DLG2: variants seen among roughly 807,000 people sequenced by gnomAD.
DLG2 encodes disks large homolog 2.
DLG2 carries 45 observed loss-of-function variants against 132.5 expected under a neutral mutation model. The observed-to-expected ratio is 0.34, with a 90% CI of 0.27 to 0.44. The LOEUF (loss-of-function observed/expected upper bound fraction) is 0.44. DLG2 is among the 20% of genes least tolerant of loss of function. The pLI is 1.00. For synonymous variants in DLG2, 424 were observed against 419.6 expected (o/e 1.01, Z -0.13); for missense variants, 1,045 against 1,196.9 (o/e 0.87, Z 1.87).
chr11:84,493,930 T>C (rs1168401633), intron 7 of DLG2, among the ~76,000 whole-genome samples: 3 of 152,152 alleles, frequency 2.0e-5, no homozygotes, highest in Non-Finnish European at 4.4e-5. Context: ...GTAGAATTAA[T>C]GAGGAATTTT....
chr11:84,829,884 C>G (rs1363214059), intron 6 of DLG2, among the ~76,000 whole-genome samples: 1 of 151,592 alleles, frequency 6.6e-6, no homozygotes, highest in Admixed American at 6.6e-5. Flanking sequence ...AATATCCTAA[C>G]TCAGGTCTAC....
chr11:85,055,915 A>C (rs1347399541), intron 6 of DLG2, among the ~76,000 whole-genome samples: 2 of 152,130 alleles, frequency 1.3e-5, no homozygotes, highest in Non-Finnish European at 2.9e-5. Flanking sequence ...TGCTCATAAA[A>C]ACTGAAACAT....
rs1362474241 is a variant in DLG2, at chr11:83,874,789, T to C, written c.1497-301A>G. On this transcript the variant is annotated intron_variant, in intron 15 of 27. Transcript: ENST00000376104. ...ACAGTAGAGATTAAATATTTGGTGA[T>C]AGGTAGAACCCTCCACCAAAATATA... Among the ~76,000 whole-genome samples the C allele has an allele frequency of 2.6e-5, 4 of 152,318 alleles. No individual in the cohort carries two copies. In the East Asian group the frequency reaches 7.7e-4, roughly 29 times the overall value.
intron 6 of DLG2, among the ~76,000 whole-genome samples, chr11:84,907,962 A>G (rs2091700545): frequency 6.6e-6 from 1 of 152,170 alleles, no homozygotes; most frequent in Non-Finnish European, 1.5e-5. Context: ...ATCCAGGACT[A>G]CAGAGCTAGA....
At chr11:84,013,638 G>T (rs184319241) in intron 11 of DLG2, among the ~76,000 whole-genome samples, 16 of 152,110 alleles carry the variant, frequency 1.1e-4, no homozygotes, top group Admixed American at 5.9e-4. Flanking sequence ...GGAGGCCGAG[G>T]TGGTTGGATC....
At chr11:85,058,544 G>A (rs909472722) in intron 6 of DLG2, among the ~76,000 whole-genome samples, 10 of 151,502 alleles carry the variant, frequency 6.6e-5, no homozygotes, top group East Asian at 5.8e-4. Context: ...AGTTGATTCC[G>A]AAATGTATAT....
At chr11:84,650,600 A>G (rs1183428663) in intron 6 of DLG2, among the ~76,000 whole-genome samples, 1 of 152,080 alleles carries the variant, frequency 6.6e-6, no homozygotes, top group Non-Finnish European at 1.5e-5. Flanking sequence ...GAAATTTCCC[A>G]ATATCCTATA....
intron 21 of DLG2, among the ~76,000 whole-genome samples, chr11:83,508,403 A>ATTTTTTT (rs746968613): frequency 0.032 from 2,596 of 80,112 alleles, 347 homozygotes; most frequent in African/African-American, 0.069. Context: ...CGCCTGGCTA[A>ATTTTTTT]TTTTTTTTTT....
At chr11:84,659,525 T>C (rs1235762999) in intron 6 of DLG2, among the ~76,000 whole-genome samples, 1 of 152,168 alleles carries the variant, frequency 6.6e-6, no homozygotes, top group Non-Finnish European at 1.5e-5. Flanking sequence ...GCTTTTATGA[T>C]TATCTGGAGC....
At chr11:83,673,769 C>T (rs1409003206) in intron 18 of DLG2, among the ~76,000 whole-genome samples, 2 of 152,200 alleles carry the variant, frequency 1.3e-5, no homozygotes, top group African/African-American at 2.4e-5. Context: ...TTTTATAGTG[C>T]TACTGTGAGA....
intron 4 of DLG2, among the ~76,000 whole-genome samples, chr11:85,160,190 G>A (rs189748967): frequency 5.9e-5 from 9 of 152,272 alleles, no homozygotes; most frequent in African/African-American, 9.6e-5. Context: ...ATTTAGGTGC[G>A]TTACTCCCGC....
intron 7 of DLG2, among the ~76,000 whole-genome samples, chr11:84,276,386 G>A (rs1016384971): frequency 3.9e-5 from 6 of 151,934 alleles, no homozygotes; most frequent in African/African-American, 1.5e-4. Flanking sequence ...GTTCAAGTGG[G>A]GTCCACTATA....
At position 84,727,492 on chromosome 11, in the gene DLG2, T is replaced by C. The variant is rs557044176; in HGVS notation, c.358-192761A>G. Among the ~76,000 whole-genome samples the C allele has an allele frequency of 9.7e-4, 147 of 152,324 alleles. 1 individual carries two copies. Among genetic ancestry groups the C allele is most frequent in the Admixed American group, 9.6e-3 (147 of 15,298 alleles). On this transcript the variant is annotated intron_variant, in intron 6 of 27. Transcript: ENST00000376104. ...TCCAGTACCATGCTGTTTTGGTTAC[T>C]GTAGCCTTGTAGTACAGTGTGAAGT...
intron 11 of DLG2, among the ~76,000 whole-genome samples, chr11:84,036,887 T>TG (rs2095877346): frequency 6.6e-6 from 1 of 152,208 alleles, no homozygotes; most frequent in Admixed American, 6.6e-5. Flanking sequence ...GCTAGGTCGG[T>TG]GTGTTGCCAA....
At chr11:83,855,805 A>G (rs1239830970) in intron 16 of DLG2, among the ~76,000 whole-genome samples, 1 of 151,654 alleles carries the variant, frequency 6.6e-6, no homozygotes, top group Non-Finnish European at 1.5e-5. Flanking sequence ...GTGCCACTAC[A>G]CTCCACCTGG....
At chr11:85,500,130 C>A (rs1565592017) in intron 3 of DLG2, among the ~76,000 whole-genome samples, 1 of 152,054 alleles carries the variant, frequency 6.6e-6, no homozygotes, top group East Asian at 1.9e-4. Flanking sequence ...AAAGTGTATT[C>A]AAATAGGAAG....
intron 7 of DLG2, among the ~76,000 whole-genome samples, chr11:84,289,547 A>C (rs1240888024): frequency 6.6e-6 from 1 of 151,918 alleles, no homozygotes; most frequent in East Asian, 1.9e-4. Flanking sequence ...TAATTCTTTT[A>C]GGTCTAGAGA....
chr11:85,200,203 C>T (rs2081363486), intron 4 of DLG2, among the ~76,000 whole-genome samples: 1 of 152,152 alleles, frequency 6.6e-6, no homozygotes, highest in African/African-American at 2.4e-5. Context: ...AGGGTTCAAG[C>T]CTAGAAACAG....
At chr11:83,801,080 A>G (rs1478869119) in intron 17 of DLG2, among the ~76,000 whole-genome samples, 1 of 152,194 alleles carries the variant, frequency 6.6e-6, no homozygotes, top group Non-Finnish European at 1.5e-5. Flanking sequence ...CATTTTCAGC[A>G]AACAGTACTA....
Sources: allele counts gnomAD v4.1 joint callset (sites outside exome capture counted in the v4.1 genomes callset), GRCh38; gene constraint gnomAD v4.1.1; transcripts MANE v1.5; gene names NCBI Gene and HGNC (gene_info 2026-07-23, HGNC 2026-07-21).